Variants in ARL15 observed in about 807,000 individuals in gnomAD.
ARL15 encodes the protein ARF like GTPase 15.
ARL15 carries 19 observed loss-of-function variants against 25.2 expected under a neutral mutation model. That is an observed-to-expected ratio of 0.75 (90% CI 0.53 to 1.10). ARL15 has a LOEUF of 1.10. ARL15 is among the 50% of genes least tolerant of loss of function. The pLI is 0.00. For missense variants in ARL15, 220 were observed against 246.0 expected, an observed-to-expected ratio of 0.89 and a Z score of 0.71; for synonymous variants, 94 against 86.8, an observed-to-expected ratio of 1.08 and a Z score of -0.46.
chr5:54,022,751 A>G (rs998016336), intron 4 of ARL15, among the ~76,000 whole-genome samples: 1 of 152,274 alleles, frequency 6.6e-6, no homozygotes, highest in East Asian at 1.9e-4. Context: ...GTCTATATGC[A>G]TGTAATAAAC....
chr5:54,117,009 A>G lies in ARL15; in HGVS notation c.254-3599T>C, dbSNP rs573621953. On this transcript the variant is annotated intron_variant, in intron 3 of 4. Coordinates refer to ENST00000504924, the MANE Select transcript of ARL15 (RefSeq NM_019087.3). Reference sequence around the variant, plus strand: ...GTCCAAAAACATTTCCCAACTGGTTAATTCAATGGATAGTTATTAAGTACC... The same window carrying G: ...GTCCAAAAACATTTCCCAACTGGTTGATTCAATGGATAGTTATTAAGTACC... Among the ~76,000 whole-genome samples, 3 of 152,338 alleles carry G rather than the reference A, an allele frequency of 2.0e-5. No individual in the cohort carries two copies. In the South Asian group the frequency reaches 6.2e-4, roughly 32 times the overall value.
At chr5:54,249,044 A>T (rs1384088805) in intron 1 of ARL15, among the ~76,000 whole-genome samples, 1 of 152,218 alleles carries the variant, frequency 6.6e-6, no homozygotes, top group Non-Finnish European at 1.5e-5. Flanking sequence ...CTCTAAAAAA[A>T]ATAATAAAAA....
chr5:53,948,776 A>G (rs1190906083), intron 4 of ARL15, among the ~76,000 whole-genome samples: 1 of 152,222 alleles, frequency 6.6e-6, no homozygotes, highest in Non-Finnish European at 1.5e-5. Context: ...TCAGAACAAG[A>G]GTCACAATTG....
chr5:53,963,383 A>G (rs1446208030), intron 4 of ARL15, among the ~76,000 whole-genome samples: 1 of 152,232 alleles, frequency 6.6e-6, no homozygotes, highest in Non-Finnish European at 1.5e-5. Flanking sequence ...AGTAGGAGCC[A>G]GCACAGAAAC....
chr5:54,097,633 G>T (rs559639641), intron 4 of ARL15, among the ~76,000 whole-genome samples: 2 of 152,102 alleles, frequency 1.3e-5, no homozygotes, highest in African/African-American at 4.8e-5. Context: ...TCACTTTTAG[G>T]TTCCTATAAT....
chr5:53,936,686 T>C (rs962048582), intron 4 of ARL15, among the ~76,000 whole-genome samples: 7 of 152,366 alleles, frequency 4.6e-5, no homozygotes, highest in Middle Eastern at 3.4e-3. Flanking sequence ...TTAAAAGGAA[T>C]GTAGAATTTT....
In ARL15 at chr5:54,298,305, G is replaced by C. The variant is rs535566243; in HGVS notation, c.48+12127C>G. On this transcript the variant is annotated intron_variant, in intron 1 of 4. Coordinates refer to ENST00000504924, the MANE Select transcript of ARL15 (RefSeq NM_019087.3). ...AAAGGCTACACAAGGAAAGAAAAAA[G>C]AAATCACACAACCATCTAAATGTGT... Among the ~76,000 whole-genome samples, 7 of 152,228 alleles carry C rather than the reference G, an allele frequency of 4.6e-5. No homozygotes were observed. In the South Asian group the frequency reaches 1.2e-3, roughly 27 times the overall value.
At chr5:54,035,104 A>G (rs1750129857) in intron 4 of ARL15, among the ~76,000 whole-genome samples, 1 of 152,052 alleles carries the variant, frequency 6.6e-6, no homozygotes, top group African/African-American at 2.4e-5. Context: ...AGGTTAATTA[A>G]AAAAAAACCT....
At chr5:53,963,655 A>C (rs1747443085) in intron 4 of ARL15, among the ~76,000 whole-genome samples, 1 of 152,004 alleles carries the variant, frequency 6.6e-6, no homozygotes, top group Non-Finnish European at 1.5e-5. Context: ...TAAAAATACA[A>C]AAATTAGCTG....
chr5:54,145,976 T>C (rs1010157504), intron 3 of ARL15, among the ~76,000 whole-genome samples: 1 of 152,194 alleles, frequency 6.6e-6, no homozygotes, highest in African/African-American at 2.4e-5. Context: ...TTTCGTAGAC[T>C]CTTTTCCTCT....
chr5:53,942,745 CAAACA>C (rs536449285), intron 4 of ARL15, among the ~76,000 whole-genome samples: 11 of 152,022 alleles, frequency 7.2e-5, no homozygotes, highest in African/African-American at 2.4e-4. Flanking sequence ...GACTCCATCT[CAAACA>C]AAACAAAACA....
At chr5:54,051,266 T>C (rs941154305) in intron 4 of ARL15, among the ~76,000 whole-genome samples, 1 of 152,204 alleles carries the variant, frequency 6.6e-6, no homozygotes, top group Non-Finnish European at 1.5e-5. Context: ...ATTTTAAGTA[T>C]GAAGAAACTG....
At chr5:54,291,574 A>G (rs1398522470) in intron 1 of ARL15, among the ~76,000 whole-genome samples, 1 of 152,228 alleles carries the variant, frequency 6.6e-6, no homozygotes, top group East Asian at 1.9e-4. Flanking sequence ...TACTAAAGCT[A>G]CTAACTCTAC....
chr5:53,957,865 T>C (rs1747214157), intron 4 of ARL15, among the ~76,000 whole-genome samples: 1 of 151,800 alleles, frequency 6.6e-6, no homozygotes, highest in Admixed American at 6.6e-5. Context: ...ATATAAAAGC[T>C]AGTATATATT....
At chr5:54,132,824 C>G (rs2112282504) in intron 3 of ARL15, among the ~76,000 whole-genome samples, 1 of 152,118 alleles carries the variant, frequency 6.6e-6, no homozygotes, top group East Asian at 1.9e-4. Context: ...ACTCTCATTG[C>G]CATCTTTGTT....
At chr5:53,993,425 T>C (rs892391771) in intron 4 of ARL15, among the ~76,000 whole-genome samples, 2 of 152,088 alleles carry the variant, frequency 1.3e-5, no homozygotes, top group African/African-American at 4.8e-5. Context: ...CTGGGCAACA[T>C]AGGAGACCCT....
intron 4 of ARL15, among the ~76,000 whole-genome samples, chr5:53,898,914 A>C (rs897580099): frequency 9.9e-5 from 15 of 152,212 alleles, no homozygotes; most frequent in Middle Eastern, 3.4e-3. Flanking sequence ...TTGGCCTACC[A>C]AATTGCTGGG....
intron 1 of ARL15, among the ~76,000 whole-genome samples, chr5:54,236,900 C>T (rs1433134720): frequency 2.6e-5 from 4 of 152,198 alleles, no homozygotes; most frequent in Non-Finnish European, 2.9e-5. Context: ...CATAGCCACT[C>T]AACTACAGAA....
At chr5:53,935,087 A>G (rs1746312076) in intron 4 of ARL15, among the ~76,000 whole-genome samples, 1 of 152,238 alleles carries the variant, frequency 6.6e-6, no homozygotes, top group South Asian at 2.1e-4. Flanking sequence ...GGATCACAAT[A>G]AAGACTCCTT....
Sources: gnomAD v4.1 joint callset for allele counts (sites outside exome capture counted in the v4.1 genomes callset) on GRCh38, gnomAD v4.1.1 for gene constraint, MANE v1.5 for transcripts, NCBI Gene and HGNC (gene_info 2026-07-23, HGNC 2026-07-21) for gene names.